Variants in GRID2 observed in about 807,000 individuals in gnomAD.
The protein encoded by GRID2 is glutamate ionotropic receptor delta type subunit 2.
A neutral mutation model predicts 114.8 loss-of-function variants in GRID2; 33 were observed. That is an observed-to-expected ratio of 0.29 (90% CI 0.22 to 0.38). The LOEUF (loss-of-function observed/expected upper bound fraction) is 0.38. GRID2 is among the 10% of genes least tolerant of loss of function. The pLI, the probability that GRID2 is intolerant of heterozygous loss-of-function variation, is 1.00. For synonymous variants in GRID2, 505 were observed against 449.9 expected, an observed-to-expected ratio of 1.12 and a Z score of -1.55; for missense variants, 1,184 against 1,257.7, an observed-to-expected ratio of 0.94 and a Z score of 0.89.
chr4:93,719,950 T>C (rs1050014461), intron 14 of GRID2, among the ~76,000 whole-genome samples: 4 of 152,196 alleles, frequency 2.6e-5, no homozygotes, highest in Non-Finnish European at 5.9e-5. Context: ...GGTCTCAAGC[T>C]GCTGTCTCTA....
At position 92,573,821 on chromosome 4, in the gene GRID2, A is replaced by T. The variant is rs116290402; in HGVS notation, c.89-16310A>T. ...GGGGTAGAGAGTTCTGTAGATATCT[A>T]TCAGGTCAACTTGATCCAGAGCTGA... On this transcript the variant is annotated intron_variant, in intron 1 of 15. Coordinates refer to ENST00000282020, the MANE Select transcript of GRID2 (RefSeq NM_001510.4). Among the ~76,000 whole-genome samples, 1,081 of 152,132 alleles carry T rather than the reference A, an allele frequency of 7.1e-3. 9 individuals carry two copies. The highest frequency in any genetic ancestry group is 0.044 in the Middle Eastern group (13 of 294).
chr4:93,499,164 C>A (rs1489141875), intron 12 of GRID2, among the ~76,000 whole-genome samples: 2 of 151,796 alleles, frequency 1.3e-5, no homozygotes, highest in African/African-American at 4.8e-5. Flanking sequence ...TTCTCCAAGT[C>A]TTGATTTTCT....
chr4:93,072,174 A>T (rs1054345644), intron 2 of GRID2, among the ~76,000 whole-genome samples: 10 of 152,140 alleles, frequency 6.6e-5, no homozygotes, highest in Admixed American at 5.9e-4. Context: ...AAAAGCCAAA[A>T]ATCTATTAAA....
At chr4:93,495,700 T>C (rs367749139) in intron 12 of GRID2, among the ~76,000 whole-genome samples, 201 of 151,894 alleles carry the variant, frequency 1.3e-3, no homozygotes, top group African/African-American at 4.7e-3. Context: ...AATTAACTAG[T>C]ATGTCTCTAC....
chr4:93,432,804 G>A (rs572076947), intron 10 of GRID2, among the ~76,000 whole-genome samples: 13 of 152,272 alleles, frequency 8.5e-5, no homozygotes, highest in African/African-American at 3.1e-4. Flanking sequence ...GCTCATGCCT[G>A]TAATCCCAAC....
chr4:92,317,529 G>C (rs1327958954), intron 1 of GRID2, among the ~76,000 whole-genome samples: 1 of 152,084 alleles, frequency 6.6e-6, no homozygotes, highest in Non-Finnish European at 1.5e-5. Flanking sequence ...TGGCTGCTTT[G>C]ATTTTTTCTT....
intron 2 of GRID2, among the ~76,000 whole-genome samples, chr4:92,869,424 C>G (rs1363312198): frequency 6.6e-6 from 1 of 152,126 alleles, no homozygotes; most frequent in Non-Finnish European, 1.5e-5. Context: ...ATGAGCTGAT[C>G]GAAGTTTTCT....
intron 2 of GRID2, among the ~76,000 whole-genome samples, chr4:92,770,729 A>G (rs1211813461): frequency 6.6e-6 from 1 of 152,042 alleles, no homozygotes; most frequent in East Asian, 1.9e-4. Flanking sequence ...ATTCACTATC[A>G]CGAGAAAAGC....
intron 12 of GRID2, among the ~76,000 whole-genome samples, chr4:93,496,667 A>G (rs1727578839): frequency 6.6e-6 from 1 of 151,842 alleles, no homozygotes; most frequent in Non-Finnish European, 1.5e-5. Context: ...TTGATTCAGC[A>G]TAATATCCTT....
At chr4:93,345,701 A>C (rs891173231) in intron 8 of GRID2, among the ~76,000 whole-genome samples, 8 of 151,812 alleles carry the variant, frequency 5.3e-5, no homozygotes, top group African/African-American at 1.2e-4. Flanking sequence ...GTTACAGCCC[A>C]AAAAAAATCC....
intron 2 of GRID2, among the ~76,000 whole-genome samples, chr4:92,681,837 AG>A (rs1252129132): frequency 1.3e-5 from 2 of 152,248 alleles, no homozygotes; most frequent in Middle Eastern, 3.4e-3. Context: ...TGGAAGATGA[AG>A]GGTATATGGT....
intron 2 of GRID2, among the ~76,000 whole-genome samples, chr4:92,982,782 G>A (rs1276471134): frequency 6.6e-6 from 1 of 152,030 alleles, no homozygotes; most frequent in Non-Finnish European, 1.5e-5. Context: ...AATAATAATA[G>A]ATGTTAAGCA....
intron 9 of GRID2, among the ~76,000 whole-genome samples, chr4:93,422,170 A>G (rs1768354085): frequency 6.6e-6 from 1 of 152,204 alleles, no homozygotes. Flanking sequence ...AATTTACTAA[A>G]TTAGACAGTT....
At chr4:93,187,261 T>G (rs1740512872) in intron 4 of GRID2, among the ~76,000 whole-genome samples, 1 of 152,154 alleles carries the variant, frequency 6.6e-6, no homozygotes, top group South Asian at 2.1e-4. Context: ...TCCAGACGAA[T>G]AGCTCCAAAG....
chr4:93,790,616 A>T (rs1368958049), intron 1 of GRID2, among the ~76,000 whole-genome samples: 1 of 151,482 alleles, frequency 6.6e-6, no homozygotes, highest in Admixed American at 6.6e-5. Flanking sequence ...GCATGATCTT[A>T]ACTATAAAAT....
At chr4:93,108,971 C>T (rs1472601234) in intron 3 of GRID2, among the ~76,000 whole-genome samples, 1 of 151,968 alleles carries the variant, frequency 6.6e-6, no homozygotes, top group Non-Finnish European at 1.5e-5. Flanking sequence ...GGGGTGAGGC[C>T]CAAGCTTGTG....
chr4:93,563,861 T>G (rs1188764060), intron 13 of GRID2, among the ~76,000 whole-genome samples: 1 of 152,016 alleles, frequency 6.6e-6, no homozygotes, highest in Non-Finnish European at 1.5e-5. Flanking sequence ...TACTATTTAT[T>G]GTAGTGTTTC....
chr4:93,031,076 G>A (rs914605212), intron 2 of GRID2, among the ~76,000 whole-genome samples: 13 of 122,608 alleles, frequency 1.1e-4, no homozygotes, highest in South Asian at 2.5e-4. Context: ...TCGCTCTGTC[G>A]CCCAGACTGG....
intron 3 of GRID2, among the ~76,000 whole-genome samples, chr4:93,100,073 T>G (rs1199192938): frequency 2.0e-5 from 3 of 151,940 alleles, no homozygotes; most frequent in Non-Finnish European, 4.4e-5. Flanking sequence ...AAGCATATAA[T>G]TAATCCAAAC....
Sources: allele counts gnomAD v4.1 joint callset (sites outside exome capture counted in the v4.1 genomes callset), GRCh38; gene constraint gnomAD v4.1.1; transcripts MANE v1.5; gene names NCBI Gene and HGNC (gene_info 2026-07-23, HGNC 2026-07-21).